The following PTPRN2 variants were observed in gnomAD, a reference collection of about 807,000 sequenced individuals.
PTPRN2 encodes protein tyrosine phosphatase receptor type N2.
PTPRN2 carries 74 observed loss-of-function variants against 118.8 expected under a neutral mutation model. That is an observed-to-expected ratio of 0.62 (90% CI 0.52 to 0.76). PTPRN2 has a LOEUF of 0.76. PTPRN2 is among the 30% of genes least tolerant of loss of function. The pLI is 0.00. For missense variants in PTPRN2, 1,481 were observed against 1,394.4 expected (o/e 1.06, Z -0.99); for synonymous variants, 641 against 608.0 (o/e 1.05, Z -0.80).
At chr7:158,236,611 G>C (rs905600462) in intron 3 of PTPRN2, among the ~76,000 whole-genome samples, 2 of 152,180 alleles carry the variant, frequency 1.3e-5, no homozygotes, top group Non-Finnish European at 2.9e-5. Context: ...CCGTGAAGAC[G>C]TGATGGCACT....
intron 1 of PTPRN2, chr7:158,541,677 C>T (rs1825992182): frequency 1.5e-6 from 2 of 1,307,154 alleles, no homozygotes; most frequent in Non-Finnish European, 2.0e-6. Flanking sequence ...GTTAGTTAAT[C>T]TGTTGAAGAC....
In PTPRN2 at chr7:157,567,535, C is replaced by CTT. The variant is rs60416795; in HGVS notation, c.2902+1365_2902+1366dup. Among the ~76,000 whole-genome samples the CTT allele has an allele frequency of 2.1e-5, 3 of 146,158 alleles. No individual in the cohort carries two copies. In the East Asian group the frequency reaches 5.9e-4, roughly 29 times the overall value. On this transcript the variant is annotated intron_variant, in intron 21 of 22. Coordinates refer to ENST00000389418, the MANE Select transcript of PTPRN2 (RefSeq NM_002847.5). ...TTGTTTTATCTTCACATATTTATGT[C>CTT]TTTTTTTTTTTAACCAGAAGAAAAT...
intron 12 of PTPRN2, among the ~76,000 whole-genome samples, chr7:157,818,936 C>T (rs1045574464): frequency 2.6e-5 from 4 of 152,028 alleles, no homozygotes; most frequent in Non-Finnish European, 5.9e-5. Flanking sequence ...CCCAGGCACC[C>T]GTGACAACTG....
At chr7:158,420,467 G>A (rs1815158296) in intron 2 of PTPRN2, among the ~76,000 whole-genome samples, 1 of 152,210 alleles carries the variant, frequency 6.6e-6, no homozygotes, top group Admixed American at 6.5e-5. Context: ...ACAGGGTCCA[G>A]CACACATTCC....
At chr7:158,396,997 A>T (rs1344500374) in intron 2 of PTPRN2, among the ~76,000 whole-genome samples, 1 of 152,240 alleles carries the variant, frequency 6.6e-6, no homozygotes, top group Non-Finnish European at 1.5e-5. Flanking sequence ...CTGTCTTTTG[A>T]AACAAACCGA....
chr7:158,212,027 T>C (rs1827636951), intron 3 of PTPRN2, among the ~76,000 whole-genome samples: 1 of 152,256 alleles, frequency 6.6e-6, no homozygotes, highest in Admixed American at 6.5e-5. Flanking sequence ...TGGAGTACTA[T>C]TCAGCCATAA....
intron 11 of PTPRN2, among the ~76,000 whole-genome samples, chr7:158,005,740 A>G (rs1215050757): frequency 6.6e-6 from 1 of 152,186 alleles, no homozygotes; most frequent in African/African-American, 2.4e-5. Flanking sequence ...GGTTCTCCCC[A>G]GAAGAGACAG....
intron 15 of PTPRN2, among the ~76,000 whole-genome samples, chr7:157,612,770 C>T (rs1177359083): frequency 1.3e-5 from 2 of 152,224 alleles, no homozygotes; most frequent in Non-Finnish European, 2.9e-5. Context: ...GGAAAACGCC[C>T]AAACAGCTCG....
chr7:158,193,905 CAAAAA>C (rs56234740), intron 4 of PTPRN2, among the ~76,000 whole-genome samples: 10 of 123,882 alleles, frequency 8.1e-5, no homozygotes, highest in East Asian at 2.4e-4. Flanking sequence ...GGCTCTGTCT[CAAAAA>C]AAAAAAAAAA....
intron 3 of PTPRN2, among the ~76,000 whole-genome samples, chr7:158,216,547 G>T (rs1189660403): frequency 2.0e-5 from 3 of 151,790 alleles, no homozygotes; most frequent in African/African-American, 7.3e-5. Flanking sequence ...ATTAATCAAA[G>T]GATGGAAGCA....
At chr7:157,717,980 C>T (rs1394499280) in intron 12 of PTPRN2, among the ~76,000 whole-genome samples, 2 of 152,262 alleles carry the variant, frequency 1.3e-5, no homozygotes, top group Non-Finnish European at 2.9e-5. Context: ...TGTGGGCAGG[C>T]GGCCAGGGCC....
intron 9 of PTPRN2, among the ~76,000 whole-genome samples, chr7:158,128,902 A>G (rs1285800513): frequency 2.0e-5 from 3 of 151,888 alleles, no homozygotes; most frequent in African/African-American, 7.3e-5. Context: ...GGCCTTCAGG[A>G]GAAAAGAGGG....
At chr7:158,007,106 T>C (rs964149760) in intron 11 of PTPRN2, among the ~76,000 whole-genome samples, 3 of 152,208 alleles carry the variant, frequency 2.0e-5, no homozygotes, top group Admixed American at 6.5e-5. Context: ...CCAGTGTCTC[T>C]TCTTTCAAGG....
chr7:158,533,700 G>A (rs535613855), intron 1 of PTPRN2, among the ~76,000 whole-genome samples: 7 of 152,298 alleles, frequency 4.6e-5, no homozygotes, highest in African/African-American at 1.4e-4. Flanking sequence ...TCCATCAATC[G>A]ATGAAGCTCT....
chr7:157,818,524 G>A (rs1028016134), intron 12 of PTPRN2, among the ~76,000 whole-genome samples: 4 of 152,092 alleles, frequency 2.6e-5, no homozygotes, highest in African/African-American at 9.7e-5. Context: ...TCAAGAGAGG[G>A]CGTGGCCTGA....
chr7:157,738,524 C>G lies in PTPRN2; in HGVS notation c.1789-55587G>C, dbSNP rs374656316. The stretch of plus-strand genomic sequence containing the variant: ...GGACGCAGGCTGCCGGTGCTGGTCC[C>G]GGGTTGTTTGTGGTGCAGCCAGCGG... On this transcript the variant is annotated intron_variant, in intron 12 of 22. Coordinates refer to ENST00000389418, the MANE Select transcript of PTPRN2 (RefSeq NM_002847.5). 8.5e-4 allele frequency among the ~76,000 whole-genome samples: 129 copies of G among 152,304 alleles called. 1 individual carries two copies. The highest frequency in any genetic ancestry group is 2.9e-3 in the African/African-American group (120 of 41,564).
chr7:158,102,896 C>G (rs1290986752), intron 10 of PTPRN2, among the ~76,000 whole-genome samples: 2 of 152,096 alleles, frequency 1.3e-5, no homozygotes, highest in Non-Finnish European at 2.9e-5. Flanking sequence ...ACTGCAGACC[C>G]GGGAGGACAC....
At position 157,881,989 on chromosome 7, in the gene PTPRN2, AAAC is replaced by A. The variant is rs1158996049; in HGVS notation, c.1788+16681_1788+16683del. Among the ~76,000 whole-genome samples the A allele has an allele frequency of 6.6e-6, 1 of 152,188 alleles. No individual in the cohort carries two copies. Among genetic ancestry groups the A allele is most frequent in the African/African-American group, 2.4e-5 (1 of 41,444 alleles). ...CATACATCAGAACATGCCACCCCAA[AAAC>A]AACTGTCGAAGAACAGAACATGCTG... On this transcript the variant is annotated intron_variant, in intron 12 of 22. Coordinates refer to ENST00000389418, the MANE Select transcript of PTPRN2 (RefSeq NM_002847.5). The surrounding 1 kb of genome is among the most constrained non-coding windows in gnomAD (Gnocchi z 4.7).
chr7:158,078,968 C>G (rs117020643), intron 11 of PTPRN2, among the ~76,000 whole-genome samples: 1,825 of 152,280 alleles, frequency 0.012, 19 homozygotes, highest in East Asian at 0.058. Flanking sequence ...CCACCTCAGC[C>G]TCCCGAGTAG....
Sources: gnomAD v4.1 joint callset for allele counts (sites outside exome capture counted in the v4.1 genomes callset) on GRCh38, gnomAD v4.1.1 for gene constraint, Gnocchi (gnomAD v3.1) non-coding constraint, MANE v1.5 for transcripts, NCBI Gene and HGNC (gene_info 2026-07-23, HGNC 2026-07-21) for gene names.